The following HEXB variants were observed in gnomAD, a reference collection of about 807,000 sequenced individuals.
HEXB encodes the protein beta-hexosaminidase subunit beta.
Under a neutral mutation model 71.2 loss-of-function variants are expected in HEXB, and 51 were observed. That is an observed-to-expected ratio of 0.72 (90% CI 0.57 to 0.90). The LOEUF is 0.90. Ranked by LOEUF, HEXB falls within the 40% of genes least tolerant of loss-of-function variation. HEXB has a pLI of 0.00. For synonymous variants in HEXB, 266 were observed against 249.3 expected, an observed-to-expected ratio of 1.07 and a Z score of -0.63; for missense variants, 617 against 677.0, an observed-to-expected ratio of 0.91 and a Z score of 0.98.
chr5:74,713,387 A>C, intron 6 of HEXB, 119 bp from the exon 7 acceptor site: 1 of 912,394 alleles, frequency 1.1e-6, no homozygotes, highest in Non-Finnish European at 1.8e-6. Context: ...CATGAAACTA[A>C]TACATTGTCA....
At chr5:74,673,343 G>A (rs748899174) in intron 1 of HEXB, among the ~76,000 whole-genome samples, 12 of 152,176 alleles carry the variant, frequency 7.9e-5, no homozygotes, top group Non-Finnish European at 1.2e-4. Context: ...ATTTCGGGTT[G>A]CTTATGGATA....
intron 1 of HEXB, among the ~76,000 whole-genome samples, chr5:74,679,638 A>G (rs560553137): frequency 6.6e-6 from 1 of 152,140 alleles, no homozygotes; most frequent in South Asian, 2.1e-4. Context: ...TGTCTCTACT[A>G]AAAGTACAAA....
At chr5:74,655,826 A>G (rs577714649) in intron 1 of HEXB, among the ~76,000 whole-genome samples, 21 of 152,282 alleles carry the variant, frequency 1.4e-4, no homozygotes, top group Non-Finnish European at 1.5e-5. Flanking sequence ...ATCTCCATTT[A>G]TAGGTAAGAA....
chr5:74,650,239 C>G (rs1370560634), intron 1 of HEXB, among the ~76,000 whole-genome samples: 14 of 152,196 alleles, frequency 9.2e-5, no homozygotes, highest in Admixed American at 9.2e-4. Context: ...TTGAAGAAGC[C>G]AAACACAGTA....
rs116805783 is a variant in HEXB, at chr5:74,719,622, C to T, written c.1417+651C>T. ...TTATATACAATGCATTTTATGAGGA[C>T]CAAAAAGCGATAATTACTGATTTTT... On this transcript the variant is annotated intron_variant, in intron 11 of 13. Coordinates refer to ENST00000261416, the MANE Select transcript of HEXB (RefSeq NM_000521.4). 3.7e-3 allele frequency among the ~76,000 whole-genome samples: 560 copies of T among 152,104 alleles called. 6 individuals are homozygous for T. The highest frequency in any genetic ancestry group is 0.013 in the African/African-American group (537 of 41,498).
At chr5:74,661,745 C>T (rs554053135) in intron 1 of HEXB, among the ~76,000 whole-genome samples, 63 of 152,238 alleles carry the variant, frequency 4.1e-4, no homozygotes, top group African/African-American at 1.0e-3. Flanking sequence ...AAATCCAATA[C>T]GTAAAATTCC....
intron 1 of HEXB, among the ~76,000 whole-genome samples, chr5:74,645,370 T>C (rs1747984800): frequency 6.6e-6 from 1 of 152,180 alleles, no homozygotes; most frequent in South Asian, 2.1e-4. Context: ...CCTGGCTCCA[T>C]ATAGTATGAT....
intron 1 of HEXB, among the ~76,000 whole-genome samples, chr5:74,655,957 A>C (rs1748210671): frequency 6.6e-6 from 1 of 152,200 alleles, no homozygotes; most frequent in African/African-American, 2.4e-5. Flanking sequence ...TTCTGAAGTG[A>C]CATAATTCTT....
At chr5:74,693,482 A>G in intron 2 of HEXB, 157 bp from the exon 3 acceptor site, 4 of 693,718 alleles carry the variant, frequency 5.8e-6, no homozygotes, top group Non-Finnish European at 7.9e-6. Context: ...CCTGCAGGAC[A>G]TCCAAATGGA....
At chr5:74,704,070 T>G (rs1749323624) in intron 5 of HEXB, among the ~76,000 whole-genome samples, 1 of 152,244 alleles carries the variant, frequency 6.6e-6, no homozygotes, top group South Asian at 2.1e-4. Flanking sequence ...TGTAACAAAC[T>G]CTATGGCTTG....
Position 74,713,606 on chromosome 5 carries a change from C to A in HEXB, c.872C>A (p.Thr291Asn). Residue 291 changes from threonine to asparagine, a missense_variant, in exon 7 of 14, where the codon ACC (threonine) becomes AAC (asparagine). Coordinates refer to ENST00000261416, the MANE Select transcript of HEXB (RefSeq NM_000521.4). ...RGIRVLPEFD[T>N]PGHTLSWGKG... ...ATTCGAGTCCTGCCAGAATTTGATA[C>A]CCCTGGGCATACACTATCTTGGGGA... 11 of 1,612,952 alleles carry A rather than the reference C, an allele frequency of 6.8e-6. No homozygotes were observed. Among genetic ancestry groups the A allele is most frequent in the Non-Finnish European group, 8.5e-6 (10 of 1,178,986 alleles).
Position 74,718,807 on chromosome 5 carries a change from G to A in HEXB, c.1253G>A (p.Gly418Asp). Reference sequence around the variant, plus strand: ...TTGTAACGTTAATAGCTTGCGCCGGGCACAATAGTTGAAGTATGGAAAGAC... The same window carrying A: ...TTGTAACGTTAATAGCTTGCGCCGGACACAATAGTTGAAGTATGGAAAGAC... ...VFDDKAKLAP[G>D]TIVEVWKDSA... Residue 418 changes from glycine (G) to aspartate (D), a missense_variant, in exon 11 of 14, where the codon GGC becomes GAC. Gly to Asp is a moderately conservative substitution (Grantham distance 94, BLOSUM62 -1). Transcript: ENST00000261416. 3 of 1,614,040 alleles carry A rather than the reference G, an allele frequency of 1.9e-6. No homozygotes were observed. Among genetic ancestry groups the A allele is most frequent in the South Asian group, 2.2e-5 (2 of 91,078 alleles).
intron 10 of HEXB, 55 bp from the exon 11 acceptor site, chr5:74,718,741 AT>A: frequency 3.9e-6 from 6 of 1,526,948 alleles, no homozygotes; most frequent in Non-Finnish European, 5.4e-6. Context: ...TAAACTTTCA[AT>A]TTCATCTACT....
At chr5:74,705,116 T>G in intron 5 of HEXB, 103 bp from the exon 6 acceptor site, 1 of 700,636 alleles carries the variant, frequency 1.4e-6, no homozygotes, top group South Asian at 1.6e-5. Context: ...AAAAAAAGTT[T>G]TAAAGGAAGC....
chr5:74,669,592 A>T (rs1748495897), intron 1 of HEXB, among the ~76,000 whole-genome samples: 1 of 152,076 alleles, frequency 6.6e-6, no homozygotes, highest in Admixed American at 6.6e-5. Context: ...ACTGAATAGG[A>T]TCTATATCAG....
rs1458305648 is a variant in HEXB, at chr5:74,652,990, T to C, written c.-377+12432T>C. 6.6e-6 allele frequency among the ~76,000 whole-genome samples: 1 copy of C among 152,186 alleles called. No homozygotes were observed. The highest frequency in any genetic ancestry group is 2.4e-5 in the African/African-American group (1 of 41,448). On this transcript the variant is annotated intron_variant, in intron 1 of 13. Transcript: ENST00000511181. This position sits in a 1 kb window ranked among gnomAD's most constrained non-coding sequence, Gnocchi z 5.4. ...GATAATAGACTCTATTGAATATAAC[T>C]TCAAAAAACTTTAACATTTCTTAAC...
At chr5:74,707,106 C>T (rs141512892) in intron 6 of HEXB, among the ~76,000 whole-genome samples, 23,050 of 151,868 alleles carry the variant, frequency 0.15, 1,914 homozygotes, top group African/African-American at 0.22. Context: ...TCCAGAGGAA[C>T]GATCAGACAG....
chr5:74,649,236 C>T (rs1407472882), intron 1 of HEXB, among the ~76,000 whole-genome samples: 1 of 152,158 alleles, frequency 6.6e-6, no homozygotes, highest in African/African-American at 2.4e-5. Flanking sequence ...ACAGCTGGGT[C>T]ATGTATTTTC....
At chr5:74,642,277 T>C (rs1747912924) in intron 1 of HEXB, among the ~76,000 whole-genome samples, 1 of 152,166 alleles carries the variant, frequency 6.6e-6, no homozygotes, top group South Asian at 2.1e-4. Context: ...TATTTTTTAA[T>C]GCAGAGTCTC....
Sources: allele counts gnomAD v4.1 joint callset (sites outside exome capture counted in the v4.1 genomes callset), GRCh38; gene constraint gnomAD v4.1.1; non-coding constraint Gnocchi (gnomAD v3.1); transcripts MANE v1.5; gene names NCBI Gene and HGNC (gene_info 2026-07-23, HGNC 2026-07-21).